The following PUDP variants were observed in gnomAD, a reference collection of about 807,000 sequenced individuals.
PUDP encodes the protein pseudouridine-5'-phosphatase.
Under a neutral mutation model 9.4 loss-of-function variants are expected in PUDP, and 8 were observed. The ratio of observed to expected loss-of-function variants is 0.85; its 90% CI spans 0.50 to 1.53. The LOEUF is 1.53. Among genes scored for constraint, PUDP ranks in the 40% most tolerant of loss-of-function variants. The pLI is 0.00. For synonymous variants in PUDP, 99 were observed against 80.7 expected (o/e 1.23, Z -1.22); for missense variants, 188 against 189.7 (o/e 0.99, Z 0.05).
intron 3 of PUDP, among the ~76,000 whole-genome samples, chrX:6,750,613 G>C (rs746597530): frequency 6.3e-5 from 7 of 111,201 alleles, no homozygotes; most frequent in Non-Finnish European, 1.3e-4. Flanking sequence ...AAATGGCTGG[G>C]GGTTTGCATT....
At chrX:7,114,512 T>TA (rs771756008) in intron 1 of PUDP, among the ~76,000 whole-genome samples, 3 of 111,756 alleles carry the variant, frequency 2.7e-5, no homozygotes, top group Non-Finnish European at 3.8e-5. Flanking sequence ...CAACACCTCT[T>TA]AGAGACCCCA....
At chrX:6,897,574 G>A (rs1369550815) in intron 3 of PUDP, among the ~76,000 whole-genome samples, 1 of 111,022 alleles carries the variant, frequency 9.0e-6, no homozygotes, top group Non-Finnish European at 1.9e-5. Context: ...TCGTTTAACT[G>A]CCCCCTGCCT....
intron 1 of PUDP, among the ~76,000 whole-genome samples, chrX:7,147,085 T>C (rs1456933137): frequency 2.7e-5 from 3 of 111,306 alleles, no homozygotes; most frequent in Non-Finnish European, 3.8e-5. Flanking sequence ...CTTTGAATTC[T>C]ACTTGAATTC....
chrX:6,983,181 A>G (rs923287624), intron 1 of PUDP, among the ~76,000 whole-genome samples: 1 of 112,172 alleles, frequency 8.9e-6, no homozygotes, highest in Non-Finnish European at 1.9e-5. Flanking sequence ...AGTAATTCAC[A>G]CAAAGATGGC....
intron 3 of PUDP, among the ~76,000 whole-genome samples, chrX:6,753,105 T>A (rs1925125045): frequency 9.0e-6 from 1 of 110,952 alleles, no homozygotes; most frequent in South Asian, 3.9e-4. Context: ...CTATTTGTGG[T>A]CTTTCATCTC....
intron 3 of PUDP, among the ~76,000 whole-genome samples, chrX:6,904,289 T>C (rs1355556284): frequency 1.8e-5 from 2 of 110,448 alleles, no homozygotes; most frequent in Non-Finnish European, 3.8e-5. Context: ...AGAACAGCTG[T>C]TCTCAACAGG....
chrX:7,093,300 G>C (rs1459131565), intron 2 of PUDP, among the ~76,000 whole-genome samples: 1 of 111,966 alleles, frequency 8.9e-6, no homozygotes, highest in Non-Finnish European at 1.9e-5. Context: ...TGACTTCCCA[G>C]AACTCAATCA....
In PUDP at chrX:6,866,532, G is replaced by A. The variant is rs911779440; in HGVS notation, c.*247+110601C>T. Among the ~76,000 whole-genome samples the A allele has an allele frequency of 3.6e-5, 4 of 111,216 alleles. No individual in the cohort carries two copies. The East Asian group carries it at 8.5e-4, about 24-fold the overall frequency. The stretch of plus-strand genomic sequence containing the variant: ...AAGCTGCGCCCTGTAACAAGTGAGC[G>A]CATGTTGGCCTGCCAGGGTGAGAGA... On this transcript the variant is annotated intron_variant and NMD_transcript_variant, in intron 3 of 3. Transcript: ENST00000655425.
intron 1 of PUDP, among the ~76,000 whole-genome samples, chrX:7,020,865 T>C (rs1175893371): frequency 1.8e-5 from 2 of 112,356 alleles, no homozygotes; most frequent in Non-Finnish European, 3.8e-5. Context: ...CAGCCCAGAG[T>C]TGGCTAGCTC....
intron 3 of PUDP, among the ~76,000 whole-genome samples, chrX:6,779,165 G>A (rs918266372): frequency 2.7e-5 from 3 of 111,954 alleles, no homozygotes; most frequent in African/African-American, 9.8e-5. Context: ...TCAGAACGCC[G>A]CCGGGGGTTC....
intron 1 of PUDP, among the ~76,000 whole-genome samples, chrX:7,130,683 C>T (rs1932597420): frequency 9.1e-6 from 1 of 109,747 alleles, no homozygotes; most frequent in Non-Finnish European, 1.9e-5. Context: ...GTGCACGGCT[C>T]GAGACCAGCC....
intron 3 of PUDP, among the ~76,000 whole-genome samples, chrX:6,761,790 G>T: frequency 1.8e-5 from 2 of 111,871 alleles, no homozygotes; most frequent in South Asian, 7.5e-4. Context: ...GAAGAGGAAC[G>T]ATTACATTAA....
chrX:6,929,377 G>A (rs1205905168), intron 3 of PUDP, among the ~76,000 whole-genome samples: 10 of 112,091 alleles, frequency 8.9e-5, no homozygotes, highest in Admixed American at 4.7e-4. Flanking sequence ...ACATTGGCTC[G>A]GTCCAAAAAG....
Position 6,752,291 on chromosome X carries a change from C to G in PUDP, c.*248-45825G>C, listed in dbSNP as rs777217331. On this transcript the variant is annotated intron_variant and NMD_transcript_variant, in intron 3 of 3. Coordinates refer to the PUDP transcript ENST00000655425. ...TCTGATCAACCAGGAGGCAGCACCCCCAAAGGTTCTGAGTTAGACTCTTTG... is the reference window on the plus strand; with the variant it reads ...TCTGATCAACCAGGAGGCAGCACCCGCAAAGGTTCTGAGTTAGACTCTTTG... Among the ~76,000 whole-genome samples, 6 of 111,430 alleles carry G rather than the reference C, an allele frequency of 5.4e-5. 1 individual carries two copies. In the South Asian group the frequency reaches 2.3e-3, roughly 43 times the overall value.
chrX:6,754,615 AATATTATAACATAGTTTATAAAATATTAT>A (rs1298006329), intron 3 of PUDP, among the ~76,000 whole-genome samples: 1 of 103,875 alleles, frequency 9.6e-6, no homozygotes, highest in Non-Finnish European at 1.9e-5. Context: ...GAAATTGTAT[AATATTATAACATAGTTTATAAAATATTAT>A]ATATTATATT....
intron 3 of PUDP, among the ~76,000 whole-genome samples, chrX:6,751,342 T>C (rs1925079984): frequency 9.0e-6 from 1 of 111,486 alleles, no homozygotes. Context: ...TGGATTCCCT[T>C]AGGTAACTTG....
At chrX:6,929,069 C>T (rs777020067) in intron 3 of PUDP, among the ~76,000 whole-genome samples, 2 of 112,079 alleles carry the variant, frequency 1.8e-5, no homozygotes, top group East Asian at 2.8e-4. Context: ...GTACAGCACA[C>T]GCCAGAAACG....
intron 3 of PUDP, among the ~76,000 whole-genome samples, chrX:6,938,786 C>CTT (rs764265665): frequency 0.017 from 1,430 of 83,363 alleles, 35 homozygotes; most frequent in African/African-American, 0.054. Flanking sequence ...TTCTTTCTTT[C>CTT]TTTTTTTTTT....
intron 3 of PUDP, among the ~76,000 whole-genome samples, chrX:6,926,228 G>A (rs897057133): frequency 2.7e-5 from 3 of 111,653 alleles, no homozygotes; most frequent in African/African-American, 9.8e-5. Context: ...GGTACTGTGC[G>A]TTAAGACAAA....
Sources: gnomAD v4.1 joint callset for allele counts (sites outside exome capture counted in the v4.1 genomes callset) on GRCh38, gnomAD v4.1.1 for gene constraint, MANE v1.5 for transcripts, NCBI Gene and HGNC (gene_info 2026-07-23, HGNC 2026-07-21) for gene names.